Variants in TARBP1 observed in about 807,000 individuals in gnomAD.
TARBP1 encodes tRNA guanosine 2 -O-methyltransferase TARBP1, also known as tRNA (guanosine(18)-2'-O)-methyltransferase TARBP1.
A neutral mutation model predicts 178.6 loss-of-function variants in TARBP1; 144 were observed. The ratio of observed to expected loss-of-function variants is 0.81; its 90% CI spans 0.70 to 0.93. TARBP1 has a LOEUF of 0.93. TARBP1 is among the 40% of genes least tolerant of loss of function. The pLI, the probability that TARBP1 is intolerant of heterozygous loss-of-function variation, is 0.00. For missense variants in TARBP1, 2,067 were observed against 2,011.7 expected (o/e 1.03, Z -0.53); for synonymous variants, 787 against 781.0 (o/e 1.01, Z -0.13).
intron 22 of TARBP1, among the ~76,000 whole-genome samples, chr1:234,415,608 C>T (rs1337142095): frequency 1.3e-5 from 2 of 152,088 alleles, no homozygotes; most frequent in African/African-American, 4.8e-5. Flanking sequence ...GCACCTGACC[C>T]GGTTCCAAAG....
intron 3 of TARBP1, among the ~76,000 whole-genome samples, chr1:234,468,349 G>T (rs756707429): frequency 1.1e-4 from 16 of 152,082 alleles, no homozygotes; most frequent in East Asian, 3.9e-4. Flanking sequence ...AGCTACTGGT[G>T]GGGGAGGGAC....
At chr1:234,405,355 AG>A (rs1277302501) in intron 24 of TARBP1, 1 of 152,358 alleles carries the variant, frequency 6.6e-6, no homozygotes, top group East Asian at 1.9e-4. Context: ...GCACCGTGAC[AG>A]GTGCGGGGAA....
At position 234,441,712 on chromosome 1, in the gene TARBP1, C is replaced by T. The variant is rs142823829; in HGVS notation, c.2135-4340G>A. Reference sequence around the variant, plus strand: ...CCCTTTAAATCATCGGGCCCTTAACCCCTATTTTCTCCCTGCCCTAAGCAA... The same window carrying T: ...CCCTTTAAATCATCGGGCCCTTAACTCCTATTTTCTCCCTGCCCTAAGCAA... On this transcript the variant is annotated intron_variant, in intron 12 of 29. Transcript: ENST00000040877. Among the ~76,000 whole-genome samples, 8 of 152,262 alleles carry T rather than the reference C, an allele frequency of 5.3e-5. No individual in the cohort carries two copies. The East Asian group carries it at 1.5e-3, about 29-fold the overall frequency.
At chr1:234,458,344 CA>C (rs1285803745) in intron 8 of TARBP1, among the ~76,000 whole-genome samples, 18 of 141,008 alleles carry the variant, frequency 1.3e-4, no homozygotes, top group Admixed American at 1.4e-4. Flanking sequence ...AACTCTGTCT[CA>C]AAAAAAAAAA....
At chr1:234,472,875 C>T in intron 1 of TARBP1, 64 bp from the exon 2 acceptor site, 1 of 1,220,454 alleles carries the variant, frequency 8.2e-7, no homozygotes, top group South Asian at 1.3e-5. Flanking sequence ...TTCTCAATGA[C>T]AGCAGTTCTT....
chr1:234,422,654 G>T (rs1663241059), intron 20 of TARBP1, among the ~76,000 whole-genome samples: 1 of 152,156 alleles, frequency 6.6e-6, no homozygotes, highest in African/African-American at 2.4e-5. Flanking sequence ...TACTTAGAAT[G>T]AATAAGATCT....
intron 13 of TARBP1, 26 bp from the exon 14 acceptor site, chr1:234,433,597 G>A: frequency 6.3e-7 from 1 of 1,595,718 alleles, no homozygotes; most frequent in Non-Finnish European, 8.5e-7. Context: ...AAACACTTAA[G>A]GGTACAAGCA....
At chr1:234,475,279 T>C (rs1022136889) in intron 1 of TARBP1, among the ~76,000 whole-genome samples, 1 of 152,128 alleles carries the variant, frequency 6.6e-6, no homozygotes, top group African/African-American at 2.4e-5. Context: ...CCTGGACCCT[T>C]CTCCGACAGG....
chr1:234,392,638 A>T, intron 28 of TARBP1, 86 bp from the exon 29 acceptor site: 1 of 1,203,808 alleles, frequency 8.3e-7, no homozygotes, highest in East Asian at 2.4e-5. Context: ...GTATTAACCT[A>T]AACTTAACTC....
intron 26 of TARBP1, among the ~76,000 whole-genome samples, chr1:234,397,853 G>A (rs78981006): frequency 3.7e-4 from 46 of 125,306 alleles, no homozygotes; most frequent in African/African-American, 1.4e-3. Flanking sequence ...AGGGGGAGGA[G>A]GGGGAGGAGA....
intron 26 of TARBP1, among the ~76,000 whole-genome samples, chr1:234,396,347 G>T (rs1041230250): frequency 6.6e-6 from 1 of 152,168 alleles, no homozygotes; most frequent in African/African-American, 2.4e-5. Flanking sequence ...CTTCACAGTT[G>T]CTCTTCCTTT....
chr1:234,418,638 A>T (rs1662702250), intron 21 of TARBP1, among the ~76,000 whole-genome samples: 1 of 152,166 alleles, frequency 6.6e-6, no homozygotes, highest in Non-Finnish European at 1.5e-5. Context: ...CAGGTGGGAA[A>T]CAGCATCCCA....
intron 13 of TARBP1, among the ~76,000 whole-genome samples, chr1:234,436,767 T>C (rs1665065266): frequency 6.6e-6 from 1 of 152,192 alleles, no homozygotes; most frequent in Admixed American, 6.5e-5. Context: ...AGGTATTCTT[T>C]AAGGGGAAAA....
chr1:234,406,096 G>C lies in TARBP1; in HGVS notation c.3796C>G (p.Leu1266Val). ...ACTATAAGGGCTTGCTTCAGAATTA[G>C]TTTCTGAAAAGAAAGGCAAAAAATT... is the stretch of plus-strand genomic sequence containing the variant. ...IITQNIPEKK[L>V]ILKQALIVVL... The change falls in exon 24 of 30, where the codon CTA becomes GTA. Residue 1266 changes from leucine to valine, a missense_variant. Transcript: ENST00000040877. 6.2e-7 allele frequency: 1 copy of C among 1,612,620 alleles called. No homozygotes were observed. Among genetic ancestry groups the C allele is most frequent in the Non-Finnish European group, 8.5e-7 (1 of 1,179,440 alleles).
rs1669798406 is a variant in TARBP1 at position 234,478,493 on chromosome 1, C to T, written c.611G>A (p.Gly204Glu). Residue 204 changes from glycine (G) to glutamate (E), a missense_variant, in exon 1 of 30, where the codon GGG (glycine) becomes GAG (glutamate). Transcript: ENST00000040877. ...RLLPVLVQCG[G>E]AALRAVWGGL... Reference sequence around the variant, plus strand: ...GCCCCACACGGCCCGCAGCGCCGCCCCGCCACATTGGACCAGCACTGGCAG... The same window carrying T: ...GCCCCACACGGCCCGCAGCGCCGCCTCGCCACATTGGACCAGCACTGGCAG... The T allele has an allele frequency of 2.2e-6, 3 of 1,391,172 alleles. No homozygotes were observed. In the Admixed American group the frequency reaches 8.3e-5, roughly 39 times the overall value. The allele number at this position is 1,391,172 out of a possible 1,614,324, so 86.2% of individuals were successfully genotyped here.
chr1:234,466,002 T>C (rs1668396388), intron 4 of TARBP1, among the ~76,000 whole-genome samples: 1 of 152,008 alleles, frequency 6.6e-6, no homozygotes, highest in Non-Finnish European at 1.5e-5. Context: ...AGAAGAAACA[T>C]ATGCTAGAAA....
chr1:234,426,418 T>G (rs1199039032), intron 19 of TARBP1, among the ~76,000 whole-genome samples: 1 of 152,148 alleles, frequency 6.6e-6, no homozygotes, highest in East Asian at 1.9e-4. Flanking sequence ...ATCAAATTAT[T>G]TGGCAACCAC....
intron 1 of TARBP1, among the ~76,000 whole-genome samples, chr1:234,474,860 A>C (rs148283324): frequency 9.8e-5 from 15 of 152,312 alleles, no homozygotes; most frequent in Non-Finnish European, 1.8e-4. Context: ...AAAAATCTAC[A>C]AAATCCTAAA....
intron 1 of TARBP1, 27 bp downstream of exon 1, chr1:234,478,146 T>C (rs767251194): frequency 5.0e-6 from 8 of 1,605,222 alleles, no homozygotes; most frequent in Non-Finnish European, 6.0e-6. Context: ...TAGGTAGCAC[T>C]AGGCTGGGGG....
Sources: allele counts gnomAD v4.1 joint callset (sites outside exome capture counted in the v4.1 genomes callset), GRCh38; gene constraint gnomAD v4.1.1; transcripts MANE v1.5; gene names NCBI Gene and HGNC (gene_info 2026-07-23, HGNC 2026-07-21).